Variants in PCDHA2 observed in about 807,000 individuals in gnomAD.
PCDHA2 encodes the protein protocadherin alpha-2.
In PCDHA2, 58 loss-of-function variants were observed where a neutral mutation model predicts 66.0. That is an observed-to-expected ratio of 0.88 (90% CI 0.71 to 1.09). PCDHA2 has a LOEUF of 1.09. Among genes scored for constraint, PCDHA2 ranks in the 50% least tolerant of loss-of-function variants. The pLI is 0.00. For missense variants in PCDHA2, 1,267 were observed against 1,242.3 expected (o/e 1.02, Z -0.30); for synonymous variants, 634 against 554.0 (o/e 1.14, Z -2.03).
chr5:140,836,495 C>A (rs1318424263), intron 1 of PCDHA2: 4 of 1,613,766 alleles, frequency 2.5e-6, no homozygotes, highest in South Asian at 2.2e-5. Context: ...TCATCGCCAT[C>A]TGCGCGGTGT....
chr5:140,983,005 A>AAAGG (rs1223217874), intron 3 of PCDHA2, among the ~76,000 whole-genome samples: 11 of 152,228 alleles, frequency 7.2e-5, no homozygotes, highest in African/African-American at 2.4e-4. Flanking sequence ...AAAGAAAGAA[A>AAAGG]AAGGAAGGAA....
At position 141,000,391 on chromosome 5, in the gene PCDHA2, CTCTCTATA is replaced by C. The variant is rs1374519322; in HGVS notation, c.2537-9234_2537-9227del. Reference sequence around the variant, plus strand: ...TCTCTCTCTCTCTCTCTCTCTCTCTCTCTCTATATATATATATATATATATATATATTT... The same window carrying C: ...TCTCTCTCTCTCTCTCTCTCTCTCTCTATATATATATATATATATATATTT... On this transcript the variant is annotated intron_variant, in intron 3 of 3. Transcript: ENST00000526136. Among the ~76,000 whole-genome samples the C allele has an allele frequency of 7.6e-3, 431 of 56,394 alleles. 1 individual carries two copies. The highest frequency in any genetic ancestry group is 0.013 in the African/African-American group (152 of 11,988). The allele number at this position is 56,394 out of a possible 152,430, so 37.0% of individuals were successfully genotyped here. A position where few individuals can be genotyped will look rare whatever the true frequency, so the allele number is the denominator to read the frequency against.
At chr5:140,932,707 A>G (rs147056775) in intron 1 of PCDHA2, among the ~76,000 whole-genome samples, 1 of 152,086 alleles carries the variant, frequency 6.6e-6, no homozygotes, top group African/African-American at 2.4e-5. Flanking sequence ...CATATAGACA[A>G]CACAATAATA....
intron 1 of PCDHA2, among the ~76,000 whole-genome samples, chr5:140,895,900 G>A (rs540029399): frequency 1.3e-3 from 196 of 152,038 alleles, no homozygotes; most frequent in African/African-American, 4.6e-3. Context: ...CAACCTCCGC[G>A]TCCCGGGCTC....
intron 1 of PCDHA2, among the ~76,000 whole-genome samples, chr5:140,832,237 T>C (rs1554133481): frequency 4.6e-5 from 7 of 152,218 alleles, no homozygotes. Flanking sequence ...TTTGACTTTT[T>C]GTGTTGTCCA....
intron 1 of PCDHA2, chr5:140,804,940 C>A: frequency 1.7e-6 from 2 of 1,197,496 alleles, no homozygotes; most frequent in Non-Finnish European, 2.2e-6. Flanking sequence ...TCCTTTGTTG[C>A]TCCCTTGTCC....
chr5:140,967,181 T>C (rs782433025), intron 1 of PCDHA2: 4 of 1,613,136 alleles, frequency 2.5e-6, no homozygotes, highest in East Asian at 2.2e-5. Context: ...GGTGGAAATA[T>C]TGGACATCAA....
chr5:140,956,678 A>C (rs1442214825), intron 1 of PCDHA2, among the ~76,000 whole-genome samples: 2 of 152,104 alleles, frequency 1.3e-5, no homozygotes, highest in Non-Finnish European at 2.9e-5. Context: ...GTTAGGGAGG[A>C]GTACCTCCTT....
Position 140,796,121 on chromosome 5 carries a change from C to T in PCDHA2, c.1157C>T (p.Thr386Ile), listed in dbSNP as rs782260247. Reference sequence around the variant, plus strand: ...GACTCTGGTACGAATGGACATGTCACCTGCTCCCTGACGCCCCACGTCCCT... The same window carrying T: ...GACTCTGGTACGAATGGACATGTCATCTGCTCCCTGACGCCCCACGTCCCT... ...DRDSGTNGHV[T>I]CSLTPHVPFK... is the part of the protein sequence containing the mutation. The change falls in exon 1 of 4, where the codon ACC becomes ATC. Residue 386 changes from threonine (T) to isoleucine (I), a missense_variant. Thr to Ile is a moderately conservative substitution (Grantham distance 89). Coordinates refer to ENST00000526136, the MANE Select transcript of PCDHA2 (RefSeq NM_018905.3). The T allele has an allele frequency of 2.2e-5, 36 of 1,614,098 alleles. No individual in the cohort carries two copies. The highest frequency in any genetic ancestry group is 3.1e-5 in the Non-Finnish European group (36 of 1,180,050).
intron 1 of PCDHA2, chr5:140,814,348 C>A: frequency 6.6e-6 from 1 of 152,230 alleles, no homozygotes; most frequent in South Asian, 2.0e-4. Flanking sequence ...TCTTCTGGGG[C>A]AGTTACACAT....
chr5:140,976,354 C>A (rs1331334402), intron 1 of PCDHA2, among the ~76,000 whole-genome samples: 2 of 151,960 alleles, frequency 1.3e-5, no homozygotes, highest in Non-Finnish European at 2.9e-5. Context: ...TGTTCAAGAC[C>A]AGCCTGGCCA....
chr5:140,964,812 T>C (rs2095855698), intron 1 of PCDHA2, among the ~76,000 whole-genome samples: 1 of 151,914 alleles, frequency 6.6e-6, no homozygotes, highest in Non-Finnish European at 1.5e-5. Flanking sequence ...GAGACAGGAA[T>C]AGATTTTGAT....
chr5:140,987,078 G>T (rs1158243032), intron 3 of PCDHA2, among the ~76,000 whole-genome samples: 4 of 152,026 alleles, frequency 2.6e-5, no homozygotes, highest in Non-Finnish European at 5.9e-5. Context: ...GCTGGGCGTG[G>T]TGGCAGGTGC....
intron 1 of PCDHA2, chr5:140,797,592 T>C: frequency 3.5e-6 from 2 of 571,632 alleles, no homozygotes; most frequent in Admixed American, 3.6e-5. Flanking sequence ...TCATAAGTAA[T>C]AGACCATGAA....
chr5:140,810,824 G>A (rs914329970), intron 1 of PCDHA2: 4 of 151,756 alleles, frequency 2.6e-5, no homozygotes, highest in African/African-American at 9.7e-5. Flanking sequence ...GTCTTTTGGT[G>A]AATAGAAAGT....
rs1554262487 is a variant in PCDHA2, at chr5:141,009,847, G to T, written c.2757G>T (p.Glu919Asp). ...TCATAACCTTCGGCAAAAAGGAGGA[G>T]ACCAAGAAAAAGAAGAAAAAGAAGA... ...SDFITFGKKE[E>D]TKKKKKKKKG... Residue 919 changes from glutamate (E) to aspartate (D), a missense_variant, in exon 4 of 4, where the codon GAG (glutamate) becomes GAT (aspartate). Glu to Asp is a conservative substitution (Grantham distance 45). Coordinates refer to ENST00000526136, the MANE Select transcript of PCDHA2 (RefSeq NM_018905.3). 1 of 1,613,870 alleles carries T rather than the reference G, an allele frequency of 6.2e-7. No homozygotes were observed. Among genetic ancestry groups the T allele is most frequent in the Non-Finnish European group, 8.5e-7 (1 of 1,180,010 alleles).
intron 1 of PCDHA2, chr5:140,811,229 A>G (rs111902732): frequency 0.058 from 8,883 of 152,340 alleles, 854 homozygotes; most frequent in African/African-American, 0.2. Context: ...TCGTTGTTCA[A>G]TTCCCACCTA....
chr5:140,821,985 C>T (rs2150112598), intron 1 of PCDHA2: 1 of 1,614,156 alleles, frequency 6.2e-7, no homozygotes, highest in Non-Finnish European at 8.5e-7. Flanking sequence ...CCAAGGGCCG[C>T]GGGGACCTTC....
chr5:140,917,333 G>A (rs1301739777), intron 1 of PCDHA2, among the ~76,000 whole-genome samples: 2 of 148,632 alleles, frequency 1.3e-5, no homozygotes, highest in African/African-American at 4.9e-5. Flanking sequence ...GCGGGGGAGG[G>A]GGGGGATGGT....
Sources: allele counts gnomAD v4.1 joint callset (sites outside exome capture counted in the v4.1 genomes callset), GRCh38; gene constraint gnomAD v4.1.1; transcripts MANE v1.5; gene names NCBI Gene and HGNC (gene_info 2026-07-23, HGNC 2026-07-21).